The following PCYT1B variants were observed in gnomAD, a reference collection of about 807,000 sequenced individuals.
PCYT1B encodes choline-phosphate cytidylyltransferase B.
Under a neutral mutation model 26.4 loss-of-function variants are expected in PCYT1B, and 10 were observed. The ratio of observed to expected loss-of-function variants is 0.38; its 90% CI spans 0.23 to 0.64. The LOEUF (loss-of-function observed/expected upper bound fraction) is 0.64. PCYT1B is among the 30% of genes least tolerant of loss of function. The probability of loss-of-function intolerance (pLI) is 0.56; values close to 1 mark genes in which losing one functional copy is unlikely to be tolerated. For missense variants in PCYT1B, 161 were observed against 292.7 expected (o/e 0.55, Z 3.28); for synonymous variants, 131 against 108.4 (o/e 1.21, Z -1.29).
At chrX:24,615,468 C>CT (rs762614498) in intron 2 of PCYT1B, among the ~76,000 whole-genome samples, 392 of 103,599 alleles carry the variant, frequency 3.8e-3, no homozygotes, top group African/African-American at 4.0e-3. Flanking sequence ...TTGTCCCACA[C>CT]TTTTTTTTTT....
chrX:24,626,204 A>G (rs1157562175), intron 1 of PCYT1B, among the ~76,000 whole-genome samples: 1 of 112,395 alleles, frequency 8.9e-6, no homozygotes, highest in African/African-American at 3.2e-5. Flanking sequence ...TTAAATTCAA[A>G]TTATAATTAA....
intron 1 of PCYT1B, among the ~76,000 whole-genome samples, chrX:24,637,850 C>T (rs1041537216): frequency 9.1e-5 from 10 of 109,709 alleles, no homozygotes; most frequent in South Asian, 4.0e-4. Flanking sequence ...TTCAATTCCC[C>T]GACTTGCCCA....
intron 7 of PCYT1B, among the ~76,000 whole-genome samples, chrX:24,569,563 T>C (rs1057239446): frequency 8.9e-6 from 1 of 112,260 alleles, no homozygotes; most frequent in South Asian, 3.7e-4. Context: ...TGGAATATCA[T>C]TCAGCCTTCA....
At chrX:24,620,538 G>A (rs908531217) in intron 1 of PCYT1B, among the ~76,000 whole-genome samples, 1 of 112,201 alleles carries the variant, frequency 8.9e-6, no homozygotes, top group African/African-American at 3.2e-5. Context: ...CATAGGCTGT[G>A]GTAGACCACA....
rs1334490957 is a variant in PCYT1B, at chrX:24,652,577, T to C, written c.63+19993A>G. Among the ~76,000 whole-genome samples, 4 of 107,287 alleles carry C rather than the reference T, an allele frequency of 3.7e-5. No homozygotes were observed. The East Asian group carries it at 8.8e-4, about 24-fold the overall frequency. The allele number at this position is 107,287 out of a possible 115,157, so 93.2% of individuals were successfully genotyped here. ...TCCGTCTCAAAAAAAAAAAAAGTAA[T>C]GACAAAAAACCGCAATTATTTTTGC... On this transcript the variant is annotated intron_variant, in intron 1 of 7. Transcript: ENST00000379145.
rs1358660692 is a variant in PCYT1B at position 24,647,243 on chromosome X, C to T, written c.-138G>A. 9.8e-7 allele frequency: 1 copy of T among 1,017,878 alleles called. No homozygotes were observed. The highest frequency in any genetic ancestry group is 2.2e-5 in the African/African-American group (1 of 45,805). The allele number at this position is 1,017,878 out of a possible 1,213,427, so 83.9% of individuals were successfully genotyped here. On this transcript the variant is annotated 5_prime_UTR_variant, in exon 1 of 8. Coordinates refer to ENST00000379144, the MANE Select transcript of PCYT1B (RefSeq NM_004845.5). The stretch of plus-strand genomic sequence containing the variant: ...TTCTTCTCCCCTTCTTTCTGTCTTC[C>T]CTAGGGGAAGTAAAGAGGTTACCCC...
chrX:24,581,881 A>G (rs1249110780), intron 5 of PCYT1B, among the ~76,000 whole-genome samples: 2 of 112,649 alleles, frequency 1.8e-5, no homozygotes, highest in Non-Finnish European at 3.8e-5. Context: ...CATTTATAGT[A>G]TCAGTAGCAG....
chrX:24,589,442 T>C (rs767551345), intron 4 of PCYT1B, among the ~76,000 whole-genome samples: 2 of 112,177 alleles, frequency 1.8e-5, no homozygotes, highest in East Asian at 5.6e-4. Context: ...AAAAATCTTA[T>C]GTCAGTAGGA....
chrX:24,666,642 CGA>C (rs764654681), intron 1 of PCYT1B, among the ~76,000 whole-genome samples: 113 of 101,341 alleles, frequency 1.1e-3, no homozygotes, highest in African/African-American at 2.9e-3. Context: ...TGTGTGAGAG[CGA>C]GAGAGAGAGA....
At chrX:24,594,887 A>G (rs1042308232) in intron 3 of PCYT1B, among the ~76,000 whole-genome samples, 6 of 111,316 alleles carry the variant, frequency 5.4e-5, no homozygotes, top group African/African-American at 2.0e-4. Context: ...TGGGAGCCCA[A>G]CAGACTCGGG....
chrX:24,672,501 G>A, intron 1 of PCYT1B: 2 of 788,683 alleles, frequency 2.5e-6, no homozygotes, highest in Non-Finnish European at 3.8e-6. Context: ...CAGATACATA[G>A]GACTTTACTT....
At chrX:24,664,851 G>A (rs938662042) in intron 1 of PCYT1B, among the ~76,000 whole-genome samples, 1 of 111,565 alleles carries the variant, frequency 9.0e-6, no homozygotes, top group African/African-American at 3.3e-5. Flanking sequence ...CCAGCTACTC[G>A]GGAACCTGAG....
intron 5 of PCYT1B, among the ~76,000 whole-genome samples, chrX:24,583,668 C>T (rs1432558696): frequency 8.9e-6 from 1 of 112,141 alleles, no homozygotes; most frequent in Non-Finnish European, 1.9e-5. Context: ...GACAGCCACT[C>T]ACCCAGAAAG....
At chrX:24,600,688 T>C (rs747120687) in intron 3 of PCYT1B, among the ~76,000 whole-genome samples, 6 of 111,387 alleles carry the variant, frequency 5.4e-5, no homozygotes, top group Non-Finnish European at 9.4e-5. Flanking sequence ...AAAAACCAAA[T>C]TGATATTGAA....
intron 3 of PCYT1B, among the ~76,000 whole-genome samples, chrX:24,593,420 C>T (rs1301249762): frequency 1.2e-5 from 1 of 86,110 alleles, no homozygotes; most frequent in Non-Finnish European, 2.2e-5. Flanking sequence ...TTCTTTCTCT[C>T]TTTCTTTCTT....
chrX:24,630,649 A>G (rs762628146), intron 1 of PCYT1B, among the ~76,000 whole-genome samples: 1 of 112,326 alleles, frequency 8.9e-6, no homozygotes, highest in South Asian at 3.7e-4. Flanking sequence ...AGAAATGCAT[A>G]TCACAGTCCT....
intron 1 of PCYT1B, among the ~76,000 whole-genome samples, chrX:24,639,293 C>T (rs2148269313): frequency 8.9e-6 from 1 of 112,425 alleles, no homozygotes; most frequent in African/African-American, 3.2e-5. Context: ...AAGTGATTTG[C>T]TTAAGTGCAC....
intron 2 of PCYT1B, among the ~76,000 whole-genome samples, chrX:24,618,698 A>G (rs1257547483): frequency 9.2e-6 from 1 of 108,814 alleles, no homozygotes; most frequent in African/African-American, 3.4e-5. Flanking sequence ...GCTCACTGCA[A>G]TCTCCACCTC....
At chrX:24,565,598 A>C (rs1215096122) in intron 7 of PCYT1B, among the ~76,000 whole-genome samples, 2 of 110,757 alleles carry the variant, frequency 1.8e-5, no homozygotes, top group Non-Finnish European at 3.8e-5. Flanking sequence ...AATGGTCTGG[A>C]CCTAGAGCAC....
Sources: gnomAD v4.1 joint callset for allele counts (sites outside exome capture counted in the v4.1 genomes callset) on GRCh38, gnomAD v4.1.1 for gene constraint, MANE v1.5 for transcripts, NCBI Gene and HGNC (gene_info 2026-07-23, HGNC 2026-07-21) for gene names.